The following FAM110B variants were observed in gnomAD, a reference collection of about 807,000 sequenced individuals.
The protein encoded by FAM110B is family with sequence similarity 110 member B, also known as protein FAM110B.
FAM110B carries 6 observed loss-of-function variants against 20.4 expected under a neutral mutation model. The ratio of observed to expected loss-of-function variants is 0.29; its 90% CI spans 0.16 to 0.58. FAM110B has a LOEUF of 0.58. FAM110B is among the 20% of genes least tolerant of loss of function. FAM110B has a pLI of 0.90. For missense variants in FAM110B, 434 were observed against 498.2 expected, an observed-to-expected ratio of 0.87 and a Z score of 1.23; for synonymous variants, 226 against 214.1, an observed-to-expected ratio of 1.06 and a Z score of -0.49.
intron 2 of FAM110B, among the ~76,000 whole-genome samples, chr8:58,034,359 G>A (rs1403815447): frequency 1.3e-5 from 2 of 152,170 alleles, no homozygotes; most frequent in African/African-American, 4.8e-5. Flanking sequence ...GGATTTATCA[G>A]CTGACTTATG....
intron 1 of FAM110B, among the ~76,000 whole-genome samples, chr8:58,002,413 A>G (rs999735644): frequency 1.3e-5 from 2 of 152,182 alleles, no homozygotes; most frequent in African/African-American, 2.4e-5. Context: ...CTTCTCTACA[A>G]AGTCTTTCTC....
intron 3 of FAM110B, among the ~76,000 whole-genome samples, chr8:58,118,163 C>T (rs1337312192): frequency 1.3e-5 from 2 of 152,142 alleles, no homozygotes; most frequent in African/African-American, 4.8e-5. Context: ...TCCATAATCC[C>T]AAGGGACCCA....
intron 3 of FAM110B, among the ~76,000 whole-genome samples, chr8:58,090,165 G>A (rs1289173411): frequency 2.6e-5 from 4 of 152,052 alleles, no homozygotes; most frequent in Non-Finnish European, 1.5e-5. Flanking sequence ...CTTTTTTGGG[G>A]GGCAGGGGGG....
chr8:58,082,831 ATTTTTGTTTT>A (rs1344000293), intron 3 of FAM110B, among the ~76,000 whole-genome samples: 17 of 137,434 alleles, frequency 1.2e-4, no homozygotes, highest in East Asian at 2.0e-4. Context: ...CCCCATCTCC[ATTTTTGTTTT>A]TTTTTGTTTT....
At chr8:58,136,186 AT>A (rs1252698824) in intron 3 of FAM110B, among the ~76,000 whole-genome samples, 1 of 151,650 alleles carries the variant, frequency 6.6e-6, no homozygotes, top group Non-Finnish European at 1.5e-5. Context: ...TAATTTTTGT[AT>A]TTTTAGTGGA....
chr8:58,027,092 A>G (rs1047217260), intron 1 of FAM110B, among the ~76,000 whole-genome samples: 1 of 152,158 alleles, frequency 6.6e-6, no homozygotes, highest in Non-Finnish European at 1.5e-5. Flanking sequence ...CCTCTCCTGT[A>G]TGTCACTCTC....
At chr8:58,024,101 T>C (rs147540274) in intron 1 of FAM110B, among the ~76,000 whole-genome samples, 1 of 152,188 alleles carries the variant, frequency 6.6e-6, no homozygotes, top group Non-Finnish European at 1.5e-5. Flanking sequence ...CTAAATGTTA[T>C]TGTTTATAGA....
intron 1 of FAM110B, among the ~76,000 whole-genome samples, chr8:58,003,708 G>A (rs905939445): frequency 6.6e-6 from 1 of 152,184 alleles, no homozygotes; most frequent in African/African-American, 2.4e-5. Flanking sequence ...CCTGAGCAGT[G>A]GGTCTCAACA....
intron 3 of FAM110B, among the ~76,000 whole-genome samples, chr8:58,096,365 A>G (rs998904998): frequency 6.6e-6 from 1 of 152,058 alleles, no homozygotes; most frequent in East Asian, 1.9e-4. Context: ...TAGTAGTTAC[A>G]GGGTTTCACC....
chr8:58,063,874 C>T (rs565882091), intron 2 of FAM110B, among the ~76,000 whole-genome samples: 179 of 152,148 alleles, frequency 1.2e-3, no homozygotes, highest in Non-Finnish European at 1.9e-3. Context: ...AGTCTGTGCT[C>T]GCATTGCTAT....
At chr8:58,035,455 G>A (rs910389156) in intron 2 of FAM110B, among the ~76,000 whole-genome samples, 4 of 152,028 alleles carry the variant, frequency 2.6e-5, no homozygotes, top group East Asian at 3.9e-4. Context: ...TTTGTTTTTC[G>A]TATACTTGAA....
intron 2 of FAM110B, among the ~76,000 whole-genome samples, chr8:58,052,961 A>G (rs913748164): frequency 1.4e-5 from 2 of 146,040 alleles, no homozygotes; most frequent in African/African-American, 5.2e-5. Flanking sequence ...AATTTTTTGT[A>G]TTTTTAGTAG....
chr8:58,006,995 C>T (rs563457587), intron 1 of FAM110B, among the ~76,000 whole-genome samples: 2 of 150,116 alleles, frequency 1.3e-5, no homozygotes, highest in East Asian at 2.0e-4. Flanking sequence ...TCACTGACAC[C>T]GCTGCCATTT....
At chr8:58,102,240 C>G (rs188167307) in intron 3 of FAM110B, among the ~76,000 whole-genome samples, 3 of 152,228 alleles carry the variant, frequency 2.0e-5, no homozygotes, top group Admixed American at 1.3e-4. Context: ...ATGAGCAGCT[C>G]TGATTGACAG....
At chr8:58,005,003 T>G (rs1048649863) in intron 1 of FAM110B, among the ~76,000 whole-genome samples, 2 of 152,222 alleles carry the variant, frequency 1.3e-5, no homozygotes, top group Admixed American at 6.5e-5. Flanking sequence ...TTCAAGAACT[T>G]TCCTTTGCAT....
chr8:58,016,106 GTC>G (rs1804632047), intron 1 of FAM110B, among the ~76,000 whole-genome samples: 1 of 152,134 alleles, frequency 6.6e-6, no homozygotes, highest in Non-Finnish European at 1.5e-5. Context: ...GAAATCTGAT[GTC>G]TCTTTGGTGG....
At chr8:58,097,704 G>A (rs1316524547) in intron 3 of FAM110B, among the ~76,000 whole-genome samples, 1 of 152,186 alleles carries the variant, frequency 6.6e-6, no homozygotes, top group African/African-American at 2.4e-5. Context: ...GGTCTTTGAT[G>A]TTGGTGACCT....
intron 2 of FAM110B, among the ~76,000 whole-genome samples, chr8:58,058,112 G>A (rs2150583849): frequency 6.6e-6 from 1 of 152,178 alleles, no homozygotes; most frequent in East Asian, 1.9e-4. Context: ...TTAGTTGCAA[G>A]GGGATTGATT....
intron 2 of FAM110B, among the ~76,000 whole-genome samples, chr8:58,048,587 G>A (rs1046725240): frequency 2.0e-5 from 3 of 152,068 alleles, no homozygotes; most frequent in African/African-American, 7.2e-5. Flanking sequence ...ATAGTTCTTT[G>A]GGGTGTTTTG....
Sources: allele counts gnomAD v4.1 joint callset (sites outside exome capture counted in the v4.1 genomes callset), GRCh38; gene constraint gnomAD v4.1.1; transcripts MANE v1.5; gene names NCBI Gene and HGNC (gene_info 2026-07-23, HGNC 2026-07-21).